Variants in TPMT observed in about 807,000 individuals in gnomAD.
TPMT encodes the protein thiopurine S-methyltransferase, also known as S-adenosyl-L-methionine:thiopurine S-methyltransferase.
Under a neutral mutation model 34.2 loss-of-function variants are expected in TPMT, and 18 were observed. The observed-to-expected ratio is 0.53, with a 90% CI of 0.36 to 0.78. The LOEUF is 0.78. Among genes scored for constraint, TPMT ranks in the 30% least tolerant of loss-of-function variants. TPMT has a pLI of 0.00. For missense variants in TPMT, 265 were observed against 288.1 expected (o/e 0.92, Z 0.58); for synonymous variants, 69 against 92.4 (o/e 0.75, Z 1.45).
Position 18,132,262 on chromosome 6 carries a change from G to GA in TPMT, c.581-86_581-85insT. ...ACATACAACTTCATTATCCAAATAG[G>GA]TGATGATGTGGCATGTTCTTCTCAT... On this transcript the variant is annotated intron_variant, in intron 7 of 8. Transcript: ENST00000309983. The surrounding 1 kb of genome is among the most constrained non-coding windows in gnomAD (Gnocchi z 4.8). 8.0e-7 allele frequency: 1 copy of GA among 1,256,614 alleles called. No homozygotes were observed. The highest frequency in any genetic ancestry group is 1.9e-4 in the Middle Eastern group (1 of 5,232). 77.8% of individuals were successfully genotyped at this position (1,256,614 alleles called of 1,614,324 possible). A position where few individuals can be genotyped will look rare whatever the true frequency, so the allele number is the denominator to read the frequency against.
In TPMT at chr6:18,136,949, G is replaced by A. The variant is rs949998992; in HGVS notation, c.494+2014C>T. 6.6e-6 allele frequency among the ~76,000 whole-genome samples: 1 copy of A among 152,150 alleles called. No individual in the cohort carries two copies. On this transcript the variant is annotated intron_variant, in intron 6 of 8. Coordinates refer to ENST00000309983, the MANE Select transcript of TPMT (RefSeq NM_000367.5). The surrounding 1 kb of genome is among the most constrained non-coding windows in gnomAD (Gnocchi z 4.7). The stretch of plus-strand genomic sequence containing the variant: ...TCACGACTTTTAGGCATGCAAGGAG[G>A]ATGGGAGTTCTGGAAAAGAGATAAA...
Position 18,148,469 on chromosome 6 carries a change from C to G in TPMT, c.140+519G>C, listed in dbSNP as rs1351933953. Among the ~76,000 whole-genome samples, 1 of 152,196 alleles carries G rather than the reference C, an allele frequency of 6.6e-6. No individual in the cohort carries two copies. Among genetic ancestry groups the G allele is most frequent in the Non-Finnish European group, 1.5e-5 (1 of 68,036 alleles). On this transcript the variant is annotated intron_variant, in intron 2 of 8. Transcript: ENST00000309983. The surrounding 1 kb of genome is among the most constrained non-coding windows in gnomAD (Gnocchi z 4.1). The stretch of plus-strand genomic sequence containing the variant: ...CCAGAACAAGGAATGTCTCTAACAA[C>G]CACTTTACTCAGCACTGGTCCCATG...
At chr6:18,141,711 T>C (rs1305010370) in intron 4 of TPMT, among the ~76,000 whole-genome samples, 1 of 152,186 alleles carries the variant, frequency 6.6e-6, no homozygotes, top group African/African-American at 2.4e-5. Flanking sequence ...CAATAGATCC[T>C]ATATGACAAT....
At position 18,131,493 on chromosome 6, in the gene TPMT, T is replaced by A. The variant is rs2150707785; in HGVS notation, c.625+640A>T. ...AACTTGGGAGGCTGAGGTGGGAGGA[T>A]CACTTGTGCCCAGGGAGGTCGAGGC... On this transcript the variant is annotated intron_variant, in intron 8 of 8. Transcript: ENST00000309983. This position sits in a 1 kb window ranked among gnomAD's most constrained non-coding sequence, Gnocchi z 4.3. 6.6e-6 allele frequency among the ~76,000 whole-genome samples: 1 copy of A among 152,092 alleles called. No individual in the cohort carries two copies. Among genetic ancestry groups the A allele is most frequent in the East Asian group, 1.9e-4 (1 of 5,150 alleles).
At chr6:18,134,738 T>C (rs1016689417) in intron 6 of TPMT, among the ~76,000 whole-genome samples, 6 of 152,226 alleles carry the variant, frequency 3.9e-5, no homozygotes, top group African/African-American at 1.4e-4. Context: ...TTGGAGCTTT[T>C]GTATTGTATG....
rs1207311153 is a variant in TPMT, at chr6:18,153,282, A to G, written c.-45+1751T>C. Among the ~76,000 whole-genome samples, 1 of 148,434 alleles carries G rather than the reference A, an allele frequency of 6.7e-6. No individual in the cohort carries two copies. The highest frequency in any genetic ancestry group is 1.5e-5 in the Non-Finnish European group (1 of 68,004). ...CTCCTTTCTAAATTATGAACTTCTC[A>G]TTCTTCAGCTGACAGACCATAACTG... On this transcript the variant is annotated intron_variant, in intron 1 of 8. Coordinates refer to ENST00000309983, the MANE Select transcript of TPMT (RefSeq NM_000367.5). The surrounding 1 kb of genome is among the most constrained non-coding windows in gnomAD (Gnocchi z 4.2).
At position 18,129,902 on chromosome 6, in the gene TPMT, T is replaced by C. The variant is rs1260016250; in HGVS notation, c.*766A>G. On this transcript the variant is annotated 3_prime_UTR_variant, in exon 9 of 9. Transcript: ENST00000309983. ...AGGATCTGAGTAAAAGACAAGGGTT[T>C]ATAGTAAAAACTAATCTTTTATATA... 1 of 152,128 alleles carries C rather than the reference T, an allele frequency of 6.6e-6. No homozygotes were observed. The highest frequency in any genetic ancestry group is 1.5e-5 in the Non-Finnish European group (1 of 68,028). 9.4% of individuals were successfully genotyped at this position (152,128 alleles called of 1,614,324 possible). A position where few individuals can be genotyped will look rare whatever the true frequency, so the allele number is the denominator to read the frequency against.
Position 18,135,918 on chromosome 6 carries a change from C to T in TPMT, c.495-2029G>A, listed in dbSNP as rs1272718438. ...CAGTACATAGTAAACTAATATCGCC[C>T]TTGCTCAGAGTGCAGTTCACTTCTT... On this transcript the variant is annotated intron_variant, in intron 6 of 8. Coordinates refer to ENST00000309983, the MANE Select transcript of TPMT (RefSeq NM_000367.5). The surrounding 1 kb of genome is among the most constrained non-coding windows in gnomAD (Gnocchi z 5.0). Among the ~76,000 whole-genome samples the T allele has an allele frequency of 1.3e-5, 2 of 152,148 alleles. No homozygotes were observed. The highest frequency in any genetic ancestry group is 2.4e-5 in the African/African-American group (1 of 41,426).
rs1783931101 is a variant in TPMT at position 18,131,069 on chromosome 6, T to C, written c.626-289A>G. Among the ~76,000 whole-genome samples, 1 of 152,104 alleles carries C rather than the reference T, an allele frequency of 6.6e-6. No individual in the cohort carries two copies. Among genetic ancestry groups the C allele is most frequent in the Admixed American group, 6.5e-5 (1 of 15,280 alleles). On this transcript the variant is annotated intron_variant, in intron 8 of 8. Transcript: ENST00000309983. This position sits in a 1 kb window ranked among gnomAD's most constrained non-coding sequence, Gnocchi z 4.3. ...AGGAGAATCGCTTGAACCCGGGAGA[T>C]GGAGGTTGCAGTGAGCTGAGATTGC...
Position 18,143,583 on chromosome 6 carries a change from A to C in TPMT, c.366+13T>G. The stretch of plus-strand genomic sequence containing the variant: ...GGATATGGATACAATTATTTACCCA[A>C]ATCAAAACAAACCTTAAATACTTTG... On this transcript the variant is annotated intron_variant, in intron 4 of 8. Transcript: ENST00000309983. The surrounding 1 kb of genome is among the most constrained non-coding windows in gnomAD (Gnocchi z 6.1). The C allele has an allele frequency of 6.2e-7, 1 of 1,611,968 alleles. No homozygotes were observed. The highest frequency in any genetic ancestry group is 1.1e-5 in the South Asian group (1 of 90,998).
rs1328436663 is a variant in TPMT, at chr6:18,143,580, C to A, written c.366+16G>T. On this transcript the variant is annotated intron_variant, in intron 4 of 8. Coordinates refer to ENST00000309983, the MANE Select transcript of TPMT (RefSeq NM_000367.5). This position sits in a 1 kb window ranked among gnomAD's most constrained non-coding sequence, Gnocchi z 6.1. ...TGGGGATATGGATACAATTATTTAC[C>A]CAAATCAAAACAAACCTTAAATACT... The A allele has an allele frequency of 1.2e-6, 2 of 1,611,800 alleles. No individual in the cohort carries two copies. The highest frequency in any genetic ancestry group is 2.2e-5 in the East Asian group (1 of 44,808).
rs1582045652 is a variant in TPMT at position 18,145,638 on chromosome 6, T to C, written c.234-1910A>G. ...AACTGTTTAGTTGTAAAATGAAACA[T>C]ATAACTTGTCTTTCATCTTTCGTAT... On this transcript the variant is annotated intron_variant, in intron 3 of 8. Transcript: ENST00000309983. The surrounding 1 kb of genome is among the most constrained non-coding windows in gnomAD (Gnocchi z 5.6). 1.3e-5 allele frequency among the ~76,000 whole-genome samples: 2 copies of C among 152,254 alleles called. No homozygotes were observed. The highest frequency in any genetic ancestry group is 2.9e-5 in the Non-Finnish European group (2 of 68,038).
In TPMT at chr6:18,132,259, T is replaced by G; in HGVS notation, c.581-82A>C. 1 of 1,293,716 alleles carries G rather than the reference T, an allele frequency of 7.7e-7. No individual in the cohort carries two copies. The highest frequency in any genetic ancestry group is 1.8e-5 in the Admixed American group (1 of 56,040). The allele number at this position is 1,293,716 out of a possible 1,614,324, so 80.1% of individuals were successfully genotyped here. ...TCTACATACAACTTCATTATCCAAA[T>G]AGGTGATGATGTGGCATGTTCTTCT... On this transcript the variant is annotated intron_variant, in intron 7 of 8. Coordinates refer to ENST00000309983, the MANE Select transcript of TPMT (RefSeq NM_000367.5). The surrounding 1 kb of genome is among the most constrained non-coding windows in gnomAD (Gnocchi z 4.8).
At position 18,150,625 on chromosome 6, in the gene TPMT, T is replaced by C. The variant is rs978842953; in HGVS notation, c.-44-1454A>G. 6.6e-6 allele frequency among the ~76,000 whole-genome samples: 1 copy of C among 152,210 alleles called. No homozygotes were observed. The highest frequency in any genetic ancestry group is 1.5e-5 in the Non-Finnish European group (1 of 68,040). ...TGTTATTTTTTAGTGACCACGCTTA[T>C]ATTGGTGAAGCCTAACCTCCAGAGC... On this transcript the variant is annotated intron_variant, in intron 1 of 8. Coordinates refer to ENST00000309983, the MANE Select transcript of TPMT (RefSeq NM_000367.5). This position sits in a 1 kb window ranked among gnomAD's most constrained non-coding sequence, Gnocchi z 5.3.
Position 18,146,289 on chromosome 6 carries a change from T to G in TPMT, c.233+1534A>C, listed in dbSNP as rs1486310668. Among the ~76,000 whole-genome samples the G allele has an allele frequency of 6.6e-6, 1 of 152,088 alleles. No individual in the cohort carries two copies. The highest frequency in any genetic ancestry group is 2.4e-5 in the African/African-American group (1 of 41,422). ...GCATGGGCTCATTGCAACCTCCGCC[T>G]CCTGGATTCAAGCAATTCTCCTGCT... On this transcript the variant is annotated intron_variant, in intron 3 of 8. Transcript: ENST00000309983. This position sits in a 1 kb window ranked among gnomAD's most constrained non-coding sequence, Gnocchi z 6.2.
chr6:18,147,968 T>C, intron 2 of TPMT, 53 bp from the exon 3 acceptor site: 1 of 1,304,912 alleles, frequency 7.7e-7, no homozygotes, highest in South Asian at 1.2e-5. Context: ...AGGTGAACAC[T>C]TTTCATTCAT....
At chr6:18,134,184 G>A (rs980527708) in intron 6 of TPMT, among the ~76,000 whole-genome samples, 3 of 152,190 alleles carry the variant, frequency 2.0e-5, no homozygotes, top group East Asian at 1.9e-4. Flanking sequence ...CTTCTGGCCT[G>A]ATGAGGTACT....
chr6:18,136,835 T>C lies in TPMT; in HGVS notation c.494+2128A>G, dbSNP rs376285392. 3.3e-5 allele frequency among the ~76,000 whole-genome samples: 5 copies of C among 152,154 alleles called. 1 individual carries two copies. In the East Asian group the frequency reaches 5.8e-4, roughly 18 times the overall value. ...CGAAAAAAAAGATTTGATTTTTCTCTCATAAAATTTTTTTTTCTTTCTGGT... is the reference window on the plus strand; with the variant it reads ...CGAAAAAAAAGATTTGATTTTTCTCCCATAAAATTTTTTTTTCTTTCTGGT... On this transcript the variant is annotated intron_variant, in intron 6 of 8. Transcript: ENST00000309983. The surrounding 1 kb of genome is among the most constrained non-coding windows in gnomAD (Gnocchi z 4.7).
At position 18,132,392 on chromosome 6, in the gene TPMT, A is replaced by G. The variant is rs138939906; in HGVS notation, c.581-215T>C. On this transcript the variant is annotated intron_variant, in intron 7 of 8. Transcript: ENST00000309983. This position sits in a 1 kb window ranked among gnomAD's most constrained non-coding sequence, Gnocchi z 4.8. The stretch of plus-strand genomic sequence containing the variant: ...TCTTTAGCTTAGATGAGACAGCTAA[A>G]CCGGTCAAGGGACTTAGGCTCATTG... Among the ~76,000 whole-genome samples the G allele has an allele frequency of 6.6e-6, 1 of 152,274 alleles. No homozygotes were observed. The highest frequency in any genetic ancestry group is 2.4e-5 in the African/African-American group (1 of 41,554).
Sources: gnomAD v4.1 joint callset for allele counts (sites outside exome capture counted in the v4.1 genomes callset) on GRCh38, gnomAD v4.1.1 for gene constraint, Gnocchi (gnomAD v3.1) non-coding constraint, MANE v1.5 for transcripts, NCBI Gene and HGNC (gene_info 2026-07-23, HGNC 2026-07-21) for gene names.